Variants in ZNF841 observed in about 807,000 individuals in gnomAD.
The protein encoded by ZNF841 is zinc finger protein 841.
A neutral mutation model predicts 13.0 loss-of-function variants in ZNF841; 11 were observed. The observed-to-expected ratio is 0.85, with a 90% CI of 0.53 to 1.40. ZNF841 has a LOEUF of 1.40. Among genes scored for constraint, ZNF841 ranks in the 40% most tolerant of loss-of-function variants. The probability of loss-of-function intolerance (pLI) is 0.00; values close to 1 mark genes in which losing one functional copy is unlikely to be tolerated. For missense variants in ZNF841, 1,068 were observed against 1,139.5 expected, an observed-to-expected ratio of 0.94 and a Z score of 0.90; for synonymous variants, 369 against 381.6, an observed-to-expected ratio of 0.97 and a Z score of 0.38.
At chr19:52,086,291 G>T (rs1600102122) in intron 3 of ZNF841, among the ~76,000 whole-genome samples, 1 of 152,126 alleles carries the variant, frequency 6.6e-6, no homozygotes, top group Non-Finnish European at 1.5e-5. Context: ...GATTTGTGAT[G>T]AATGGTTTCA....
At chr19:52,077,118 G>A (rs550740232) in intron 4 of ZNF841, 34 bp from the exon 5 acceptor site, 2 of 1,579,664 alleles carry the variant, frequency 1.3e-6, no homozygotes, top group African/African-American at 2.7e-5. Context: ...TATGAGCAGT[G>A]GGTGAGCTCT....
Position 52,066,461 on chromosome 19 carries a change from C to G in ZNF841, c.1421G>C (p.Gly474Ala), listed in dbSNP as rs1332178505. ...KVFFQRSRLA[G>A]HRRIHTGEKP... ...CTCTCCAGTATGAATTCTCCGGTGC[C>G]CTGCAAGACGTGAACGTTGAAAGAA... Residue 474 changes from glycine to alanine, a missense_variant, in exon 7 of 7, where the codon GGG (glycine) becomes GCG (alanine). Coordinates refer to ENST00000594440, the MANE Select transcript of ZNF841 (RefSeq NM_001136499.2). 2 of 1,610,024 alleles carry G rather than the reference C, an allele frequency of 1.2e-6. No homozygotes were observed. Among genetic ancestry groups the G allele is most frequent in the Admixed American group, 3.4e-5 (2 of 59,610 alleles).
downstream of ZNF841, among the ~76,000 whole-genome samples, chr19:52,059,586 A>G (rs979679784): frequency 1.3e-5 from 2 of 151,948 alleles, no homozygotes; most frequent in South Asian, 2.1e-4. Flanking sequence ...AAAACACAAC[A>G]TGCTAATTAT....
At chr19:52,071,011 G>A (rs960144624) in intron 6 of ZNF841, among the ~76,000 whole-genome samples, 2 of 152,208 alleles carry the variant, frequency 1.3e-5, no homozygotes, top group African/African-American at 4.8e-5. Context: ...GTTTGTGCTT[G>A]AAGAGCTGTG....
At chr19:52,062,212 A>G (rs1279018798), downstream of ZNF841, among the ~76,000 whole-genome samples, 1 of 152,172 alleles carries the variant, frequency 6.6e-6, no homozygotes, top group East Asian at 1.9e-4. Context: ...GTGACATGAT[A>G]ATAATGTCAA....
chr19:52,083,079 C>CAA (rs60065931), intron 4 of ZNF841, among the ~76,000 whole-genome samples: 4 of 118,680 alleles, frequency 3.4e-5, no homozygotes, highest in Non-Finnish European at 5.3e-5. Flanking sequence ...GACTCCGTCT[C>CAA]AAAAAAAAAA....
chr19:52,059,635 G>A (rs949815362), downstream of ZNF841, among the ~76,000 whole-genome samples: 27 of 151,874 alleles, frequency 1.8e-4, no homozygotes, highest in Middle Eastern at 3.4e-3. Context: ...GCAACATGAC[G>A]AAACCTCATC....
rs1246445462 is a variant in ZNF841, at chr19:52,066,540, G to T, written c.1342C>A (p.Gln448Lys). Residue 448 changes from glutamine to lysine, a missense_variant, in exon 7 of 7, where the codon CAG (glutamine) becomes AAG (lysine). Physicochemically the swap from Gln to Lys is moderately conservative, Grantham distance 53. Coordinates refer to ENST00000594440, the MANE Select transcript of ZNF841 (RefSeq NM_001136499.2). ...FYQNSQLVRH[Q>K]IIHTGETPYK... Reference sequence around the variant, plus strand: ...GGTGTCTCTCCAGTATGAATTATCTGGTGCCTTACAAGTTGTGAATTCTGA... The same window carrying T: ...GGTGTCTCTCCAGTATGAATTATCTTGTGCCTTACAAGTTGTGAATTCTGA... The T allele has an allele frequency of 6.2e-7, 1 of 1,613,614 alleles. No homozygotes were observed. Among genetic ancestry groups the T allele is most frequent in the South Asian group, 1.1e-5 (1 of 91,054 alleles).
intron 6 of ZNF841, among the ~76,000 whole-genome samples, chr19:52,071,883 T>A (rs2087748857): frequency 6.6e-6 from 1 of 152,210 alleles, no homozygotes; most frequent in Admixed American, 6.5e-5. Context: ...GTGTTTATAC[T>A]CCACAGTCAA....
chr19:52,073,979 G>T (rs1185965588), intron 6 of ZNF841, among the ~76,000 whole-genome samples: 1 of 152,104 alleles, frequency 6.6e-6, no homozygotes, highest in Non-Finnish European at 1.5e-5. Context: ...TTATGCTCAA[G>T]ATATTAAAAA....
At position 52,066,727 on chromosome 19, in the gene ZNF841, A is replaced by C. The variant is rs1261228137; in HGVS notation, c.1155T>G (p.Ser385Arg). 6.2e-7 allele frequency: 1 copy of C among 1,610,936 alleles called. No homozygotes were observed. Among genetic ancestry groups the C allele is most frequent in the Non-Finnish European group, 8.5e-7 (1 of 1,178,308 alleles). The change falls in exon 7 of 7, where the codon AGT (serine) becomes AGG (arginine). Residue 385 changes from serine to arginine, a missense_variant. Transcript: ENST00000594440. Reference sequence around the variant, plus strand: ...CTGTCTGATGAGTTGCAAGAGAGGAACTTTGACTAAAGCACTTCCCACATC... The same window carrying C: ...CTGTCTGATGAGTTGCAAGAGAGGACCTTTGACTAAAGCACTTCCCACATC... Reference protein sequence around the residue: ...CNRCGKCFSQSSSLATHQTVH... With the variant: ...CNRCGKCFSQRSSLATHQTVH...
Position 52,076,230 on chromosome 19 carries a change from T to C in ZNF841, c.143-58A>G. On this transcript the variant is annotated intron_variant, in intron 5 of 6. Coordinates refer to ENST00000594440, the MANE Select transcript of ZNF841 (RefSeq NM_001136499.2). Reference sequence around the variant, plus strand: ...GGTTTTTCCAGAACCCAGCCTAATGTCTAGGTAGAAGAGAAAACACTGCAG... The same window carrying C: ...GGTTTTTCCAGAACCCAGCCTAATGCCTAGGTAGAAGAGAAAACACTGCAG... 6.5e-6 allele frequency: 10 copies of C among 1,527,456 alleles called. 1 individual carries two copies. Among genetic ancestry groups the C allele is most frequent in the Admixed American group, 6.4e-5 (3 of 47,110 alleles). The allele number at this position is 1,527,456 out of a possible 1,614,324, so 94.6% of individuals were successfully genotyped here. A position where few individuals can be genotyped will look rare whatever the true frequency, so the allele number is the denominator to read the frequency against.
chr19:52,080,793 G>C (rs976635254), intron 4 of ZNF841, among the ~76,000 whole-genome samples: 4 of 151,988 alleles, frequency 2.6e-5, no homozygotes, highest in African/African-American at 7.3e-5. Context: ...GCCCAGAGAG[G>C]ACAAAATCCC....
At chr19:52,070,499 A>G (rs1401638822) in intron 6 of ZNF841, among the ~76,000 whole-genome samples, 1 of 152,192 alleles carries the variant, frequency 6.6e-6, no homozygotes, top group Non-Finnish European at 1.5e-5. Flanking sequence ...CATTCCTCAA[A>G]CAACAGGCTC....
intron 4 of ZNF841, among the ~76,000 whole-genome samples, chr19:52,080,357 G>A (rs1016473510): frequency 6.6e-6 from 1 of 152,186 alleles, no homozygotes; most frequent in African/African-American, 2.4e-5. Flanking sequence ...TACACCTCAG[G>A]CTGACATAAA....
At chr19:52,077,528 C>G (rs1317185810) in intron 4 of ZNF841, among the ~76,000 whole-genome samples, 1 of 152,202 alleles carries the variant, frequency 6.6e-6, no homozygotes, top group Non-Finnish European at 1.5e-5. Context: ...CCGGGCATTA[C>G]TTCAAAGGAT....
At chr19:52,076,229 G>A (rs1381404145) in intron 5 of ZNF841, 57 bp from the exon 6 acceptor site, 2 of 1,527,834 alleles carry the variant, frequency 1.3e-6, no homozygotes, top group Non-Finnish European at 1.8e-6. Flanking sequence ...CCAGCCTAAT[G>A]TCTAGGTAGA....
In ZNF841 at chr19:52,067,453, A is replaced by C. The variant is rs763982608; in HGVS notation, c.429T>G (p.Phe143Leu). ...EIRKNLQEVDFQWKDGEINYK... is the reference protein window; with the variant it reads ...EIRKNLQEVDLQWKDGEINYK... Reference sequence around the variant, plus strand: ...AATTTATTTCACCATCTTTCCATTGAAAGTCAACTTCCTGTAGATTTTTCC... The same window carrying C: ...AATTTATTTCACCATCTTTCCATTGCAAGTCAACTTCCTGTAGATTTTTCC... The change falls in exon 7 of 7, where the codon TTT becomes TTG. Residue 143 changes from phenylalanine to leucine, a missense_variant. Transcript: ENST00000594440. 9.0e-6 allele frequency: 14 copies of C among 1,552,590 alleles called. No individual in the cohort carries two copies. Among genetic ancestry groups the C allele is most frequent in the South Asian group, 4.8e-5 (4 of 83,844 alleles).
At position 52,065,056 on chromosome 19, in the gene ZNF841, G is replaced by C. The variant is rs758500563; in HGVS notation, c.*51C>G. ...ACTGGAGATTACTACAATTCCACAT[G>C]AGACTTCAAAGGGAAAGGACAAATA... is the stretch of plus-strand genomic sequence containing the variant. On this transcript the variant is annotated 3_prime_UTR_variant, in exon 7 of 7. Transcript: ENST00000594440. The C allele has an allele frequency of 5.7e-6, 8 of 1,400,478 alleles. No homozygotes were observed. Among genetic ancestry groups the C allele is most frequent in the Non-Finnish European group, 6.6e-6 (7 of 1,056,676 alleles). 86.8% of individuals were successfully genotyped at this position (1,400,478 alleles called of 1,614,324 possible).
Sources: gnomAD v4.1 joint callset for allele counts (sites outside exome capture counted in the v4.1 genomes callset) on GRCh38, gnomAD v4.1.1 for gene constraint, MANE v1.5 for transcripts, NCBI Gene and HGNC (gene_info 2026-07-23, HGNC 2026-07-21) for gene names.